Variants in RALGDS observed in about 807,000 individuals in gnomAD.
The protein encoded by RALGDS is ral guanine nucleotide exchange factor.
RALGDS carries 44 observed loss-of-function variants against 99.8 expected under a neutral mutation model. The observed-to-expected ratio is 0.44, with a 90% CI of 0.35 to 0.57. RALGDS has a LOEUF of 0.57. Among genes scored for constraint, RALGDS ranks in the 20% least tolerant of loss-of-function variants. The pLI, the probability that RALGDS is intolerant of heterozygous loss-of-function variation, is 0.01. For synonymous variants in RALGDS, 529 were observed against 505.0 expected, an observed-to-expected ratio of 1.05 and a Z score of -0.64; for missense variants, 1,022 against 1,203.1, an observed-to-expected ratio of 0.85 and a Z score of 2.23.
chr9:133,115,195 C>T (rs1035529069), intron 1 of RALGDS, among the ~76,000 whole-genome samples: 1 of 152,224 alleles, frequency 6.6e-6, no homozygotes, highest in Non-Finnish European at 1.5e-5. Flanking sequence ...CCAGCATCAG[C>T]CTTCTGGTGC....
chr9:133,102,829 C>T lies in RALGDS; in HGVS notation c.1863G>A (p.Glu621=). The T allele has an allele frequency of 6.2e-7, 1 of 1,613,654 alleles. No homozygotes were observed. The highest frequency in any genetic ancestry group is 1.1e-5 in the South Asian group (1 of 91,008). ...CGGCCCGGAACCAGGCCCCAAATTG[C>T]TCATCTGGCGCGATGCTGTAGTTGT... The part of the protein sequence containing the change: ...ACNNYSIAPD[E]QFGAWFRAVE... Residue 621 remains glutamate (E), a synonymous_variant, in exon 13 of 18, where the codon GAG becomes GAA. Coordinates refer to ENST00000372050, the MANE Select transcript of RALGDS (RefSeq NM_006266.4).
intron 1 of RALGDS, among the ~76,000 whole-genome samples, chr9:133,148,516 C>T (rs75413432): frequency 0.034 from 5,223 of 152,248 alleles, 271 homozygotes; most frequent in African/African-American, 0.12. Flanking sequence ...TCCCCAGCGT[C>T]CCGTCCTACT....
chr9:133,120,428 A>ACCCCCCCCCCCGCC (rs71378548), intron 1 of RALGDS, among the ~76,000 whole-genome samples: 1 of 59,994 alleles, frequency 1.7e-5, no homozygotes, highest in South Asian at 8.1e-4. Context: ...CCATCCCCCG[A>ACCCCCCCCCCCGCC]CCCCCCCCCC....
rs1044610619 is a variant in RALGDS, at chr9:133,144,816, C to CTACCAGAGA, written c.18+4146_18+4147insTCTCTGGTA. ...GAACTGTGTCCCTGAACAAAAAGAT[C>CTACCAGAGA]TCTGGTACCCGTGAATGAGATCTTA... On this transcript the variant is annotated intron_variant, in intron 1 of 17. Coordinates refer to the RALGDS transcript ENST00000393160. This position sits in a 1 kb window ranked among gnomAD's most constrained non-coding sequence, Gnocchi z 4.5. Among the ~76,000 whole-genome samples the CTACCAGAGA allele has an allele frequency of 1.3e-5, 2 of 152,202 alleles. No individual in the cohort carries two copies. The highest frequency in any genetic ancestry group is 2.9e-5 in the Non-Finnish European group (2 of 68,038).
chr9:133,115,289 C>T (rs748822487), intron 1 of RALGDS, among the ~76,000 whole-genome samples: 43 of 152,250 alleles, frequency 2.8e-4, no homozygotes, highest in Non-Finnish European at 5.6e-4. Context: ...TCACCGGCCC[C>T]TCCCAAGGAG....
Position 133,102,048 on chromosome 9 carries a change from C to T in RALGDS, c.2101G>A (p.Gly701Arg), listed in dbSNP as rs376306097. 350 of 1,560,734 alleles carry T rather than the reference C, an allele frequency of 2.2e-4. 4 individuals carry two copies. In the Admixed American group the frequency reaches 5.1e-3, roughly 23 times the overall value. ...ACGCTGAGCGCGTCAGCGATGTCCC[C>T]GCTGCTGAGGTAGGGGCCACACCTG... is the stretch of plus-strand genomic sequence containing the variant. The part of the protein sequence containing the change: ...QLRCGPYLSS[G>R]DIADALSVHS... Residue 701 changes from glycine to arginine, a missense_variant, in exon 15 of 18, where the codon GGG becomes AGG. Physicochemically the swap from Gly to Arg is moderately radical, Grantham distance 125 (BLOSUM62 -2). Transcript: ENST00000372050.
At chr9:133,142,436 A>T (rs1488063070) in intron 1 of RALGDS, among the ~76,000 whole-genome samples, 1 of 152,120 alleles carries the variant, frequency 6.6e-6, no homozygotes, top group Non-Finnish European at 1.5e-5. Context: ...GCCTTCCTGC[A>T]GGCAAGTATT....
At position 133,121,237 on chromosome 9, in the gene RALGDS, C is replaced by A. The variant is rs948598497; in HGVS notation, c.-83G>T. The stretch of plus-strand genomic sequence containing the variant: ...GGCCCGCGCGGCTGGGCTTTGCCAC[C>A]GCTGTGAGCCCGCGGCCCGGCCCTG... On this transcript the variant is annotated 5_prime_UTR_variant, in exon 1 of 18. Coordinates refer to ENST00000372050, the MANE Select transcript of RALGDS (RefSeq NM_006266.4). 4.1e-6 allele frequency: 4 copies of A among 979,732 alleles called. No homozygotes were observed. Among genetic ancestry groups the A allele is most frequent in the East Asian group, 1.1e-4 (1 of 8,742 alleles). 60.7% of individuals were successfully genotyped at this position (979,732 alleles called of 1,614,324 possible). A position where few individuals can be genotyped will look rare whatever the true frequency, so the allele number is the denominator to read the frequency against.
intron 1 of RALGDS, among the ~76,000 whole-genome samples, chr9:133,113,069 C>A (rs1234232162): frequency 6.6e-6 from 1 of 152,192 alleles, no homozygotes; most frequent in Non-Finnish European, 1.5e-5. Flanking sequence ...CCACAATTAC[C>A]CCCGGCCTCA....
exon 1 of RALGDS, chr9:133,149,127 G>A (rs963525917): frequency 1.7e-5 from 5 of 294,814 alleles, no homozygotes; most frequent in African/African-American, 4.6e-5. Context: ...CCAGGACTCT[G>A]CGGCCCTCGG....
chr9:133,140,153 T>C (rs973994679), intron 1 of RALGDS, among the ~76,000 whole-genome samples: 3 of 152,058 alleles, frequency 2.0e-5, no homozygotes, highest in African/African-American at 4.8e-5. Flanking sequence ...GGAATCCCTT[T>C]GGAATGGATT....
chr9:133,129,387 G>GT, intron 1 of RALGDS: 1 of 1,467,672 alleles, frequency 6.8e-7, no homozygotes, highest in Non-Finnish European at 9.0e-7. Flanking sequence ...CGTCGCCTGC[G>GT]TGCCCTAGTG....
At chr9:133,124,997 C>T (rs1179449835), upstream of RALGDS, among the ~76,000 whole-genome samples, 1 of 152,250 alleles carries the variant, frequency 6.6e-6, no homozygotes, top group Admixed American at 6.5e-5. Context: ...CTGTGGGAAC[C>T]TCTATGGGAC....
At chr9:133,110,950 C>T in intron 2 of RALGDS, among the ~76,000 whole-genome samples, 1 of 151,952 alleles carries the variant, frequency 6.6e-6, no homozygotes. Context: ...GTGTGGTGGT[C>T]CCAGCTACCT....
rs1831287404 is a variant in RALGDS at position 133,110,459 on chromosome 9, CAT to C, written c.323_324del (p.Tyr108Ter). 1 of 1,613,286 alleles carries C rather than the reference CAT, an allele frequency of 6.2e-7. No homozygotes were observed. Among genetic ancestry groups the C allele is most frequent in the Non-Finnish European group, 8.5e-7 (1 of 1,179,850 alleles). On this transcript the variant is annotated frameshift_variant, in exon 3 of 18. Transcript: ENST00000372050. LOFTEE classifies it high-confidence loss of function. ...TTCACGGTCCGCACCTTGCAAGTCT[CAT>C]AAAGGTTCAGGGCCGACTCATTCTC... ...GYENESALNLYETCKVRTVKA... is the reference protein window; with the variant it reads ...GYENESALNLXETCKVRTVKA...
chr9:133,099,723 TG>T (rs1830667542), intron 17 of RALGDS: 1 of 172,146 alleles, frequency 5.8e-6, no homozygotes. Flanking sequence ...CATTTCCATT[TG>T]GGGGATGAGA....
chr9:133,143,610 G>T (rs1348754774), intron 1 of RALGDS, among the ~76,000 whole-genome samples: 1 of 151,844 alleles, frequency 6.6e-6, no homozygotes, highest in East Asian at 1.9e-4. Context: ...CCAAAAATTA[G>T]CTGGGAGTGT....
intron 1 of RALGDS, among the ~76,000 whole-genome samples, chr9:133,117,224 T>C (rs766485746): frequency 6.6e-6 from 1 of 152,154 alleles, no homozygotes; most frequent in Non-Finnish European, 1.5e-5. Flanking sequence ...AGGTCTCTTG[T>C]CTAACTCGAG....
chr9:133,114,130 C>T (rs1232221885), intron 1 of RALGDS, among the ~76,000 whole-genome samples: 2 of 152,180 alleles, frequency 1.3e-5, no homozygotes, highest in Non-Finnish European at 2.9e-5. Context: ...TGCACCCTTC[C>T]CCCACCCCCG....
Sources: gnomAD v4.1 joint callset for allele counts (sites outside exome capture counted in the v4.1 genomes callset) on GRCh38, gnomAD v4.1.1 for gene constraint, Gnocchi (gnomAD v3.1) non-coding constraint, MANE v1.5 for transcripts, NCBI Gene and HGNC (gene_info 2026-07-23, HGNC 2026-07-21) for gene names.